EDAR: variants seen among roughly 807,000 people sequenced by gnomAD.
EDAR encodes the protein ectodysplasin A receptor.
EDAR carries 38 observed loss-of-function variants against 51.3 expected under a neutral mutation model. The ratio of observed to expected loss-of-function variants is 0.74; its 90% CI spans 0.57 to 0.97. The LOEUF (loss-of-function observed/expected upper bound fraction) is 0.97, where lower values mean the gene tolerates loss of function less well. Among genes scored for constraint, EDAR ranks in the 50% least tolerant of loss-of-function variants. EDAR has a pLI of 0.00. For synonymous variants in EDAR, 227 were observed against 242.1 expected (o/e 0.94, Z 0.58); for missense variants, 528 against 595.0 (o/e 0.89, Z 1.17).
intron 1 of EDAR, among the ~76,000 whole-genome samples, chr2:108,952,426 AT>A (rs1697843526): frequency 6.6e-6 from 1 of 152,226 alleles, no homozygotes; most frequent in African/African-American, 2.4e-5. Context: ...AAAATACTCT[AT>A]TATGCAGATT....
intron 1 of EDAR, among the ~76,000 whole-genome samples, chr2:108,974,506 T>C (rs535111163): frequency 3.3e-5 from 5 of 150,036 alleles, no homozygotes; most frequent in Admixed American, 6.6e-5. Context: ...CCAAGGGGGG[T>C]GGATCACCAG....
chr2:108,978,261 T>C (rs1698362223), intron 1 of EDAR, among the ~76,000 whole-genome samples: 1 of 152,150 alleles, frequency 6.6e-6, no homozygotes, highest in African/African-American at 2.4e-5. Flanking sequence ...AGGCAGGGCG[T>C]GGAAGTGTTT....
At chr2:108,954,872 C>T (rs1036416219) in intron 1 of EDAR, among the ~76,000 whole-genome samples, 6 of 151,930 alleles carry the variant, frequency 3.9e-5, no homozygotes, top group African/African-American at 9.7e-5. Flanking sequence ...TTAATTGAGA[C>T]GGGATTTCAC....
At chr2:108,915,529 G>A (rs1416782293) in intron 5 of EDAR, among the ~76,000 whole-genome samples, 4 of 152,046 alleles carry the variant, frequency 2.6e-5, no homozygotes, top group African/African-American at 4.8e-5. Flanking sequence ...TTTTTTCCTC[G>A]TGGGCCTCAA....
chr2:108,895,568 A>T lies in EDAR; in HGVS notation c.*1339T>A, dbSNP rs1478444653. ...AGTTTTTCTGTTTTTATTCCCATTT[A>T]AATGGACAAACCACACTGTGTTGAC... On this transcript the variant is annotated 3_prime_UTR_variant, in exon 12 of 12. Coordinates refer to ENST00000258443, the MANE Select transcript of EDAR (RefSeq NM_022336.4). 6.6e-6 allele frequency: 1 copy of T among 152,260 alleles called. No homozygotes were observed. Among genetic ancestry groups the T allele is most frequent in the Non-Finnish European group, 1.5e-5 (1 of 68,046 alleles). 9.4% of individuals were successfully genotyped at this position (152,260 alleles called of 1,614,324 possible).
intron 1 of EDAR, among the ~76,000 whole-genome samples, chr2:108,943,491 T>A (rs1697648451): frequency 1.3e-5 from 2 of 152,220 alleles, no homozygotes; most frequent in Admixed American, 1.3e-4. Flanking sequence ...GAGCTGATGT[T>A]ACTACCGAAG....
At chr2:108,967,860 GC>G (rs1451777314) in intron 1 of EDAR, among the ~76,000 whole-genome samples, 26 of 152,120 alleles carry the variant, frequency 1.7e-4, no homozygotes, top group Admixed American at 1.7e-3. Context: ...GTTATTGAGA[GC>G]AGTGACTTCA....
intron 1 of EDAR, among the ~76,000 whole-genome samples, chr2:108,949,224 C>G (rs1040936261): frequency 1.7e-4 from 26 of 152,244 alleles, no homozygotes; most frequent in Middle Eastern, 3.4e-3. Context: ...TCAAGTGTTC[C>G]ACCTGCCTTG....
intron 1 of EDAR, among the ~76,000 whole-genome samples, chr2:108,941,094 A>C (rs201640134): frequency 6.6e-6 from 1 of 152,176 alleles, no homozygotes; most frequent in East Asian, 1.9e-4. Context: ...CTTCATATAC[A>C]TGGAATCGGG....
At chr2:108,982,189 T>C (rs1355341826) in intron 1 of EDAR, among the ~76,000 whole-genome samples, 1 of 152,244 alleles carries the variant, frequency 6.6e-6, no homozygotes, top group Non-Finnish European at 1.5e-5. Flanking sequence ...TAGAGCCCGT[T>C]GTCTTACAGC....
Position 108,910,981 on chromosome 2 carries a change from CATG to C in EDAR, c.618_620del (p.Ile206del). 1 of 1,614,124 alleles carries C rather than the reference CATG, an allele frequency of 6.2e-7. No homozygotes were observed. Among genetic ancestry groups the C allele is most frequent in the Non-Finnish European group, 8.5e-7 (1 of 1,180,012 alleles). On this transcript the variant is annotated inframe_deletion, in exon 7 of 12. Transcript: ENST00000258443. ...AGGGCTTTGTCTTCAGGATGTAGAA[CATG>C]ATGATGAGGACGATGGCGATGGCCA...
At chr2:108,934,110 C>T (rs1697422915) in intron 1 of EDAR, among the ~76,000 whole-genome samples, 1 of 152,098 alleles carries the variant, frequency 6.6e-6, no homozygotes, top group Non-Finnish European at 1.5e-5. Context: ...TATCGAAAGG[C>T]GCAATTAAAA....
intron 1 of EDAR, among the ~76,000 whole-genome samples, chr2:108,942,298 C>T (rs544512864): frequency 1.3e-5 from 2 of 152,324 alleles, no homozygotes; most frequent in Admixed American, 6.5e-5. Flanking sequence ...AGCCGAGGCA[C>T]AATGCCGGAT....
At chr2:108,929,449 T>C in intron 3 of EDAR, 70 bp from the exon 4 acceptor site, 1 of 1,525,544 alleles carries the variant, frequency 6.6e-7, no homozygotes, top group Non-Finnish European at 9.1e-7. Context: ...CGGCCCACAG[T>C]CCTTGGGCAG....
intron 1 of EDAR, among the ~76,000 whole-genome samples, chr2:108,945,602 TGAAAG>T (rs894064365): frequency 6.6e-6 from 1 of 152,040 alleles, no homozygotes; most frequent in African/African-American, 2.4e-5. Flanking sequence ...GGACTGGAAA[TGAAAG>T]GAAAATAAAA....
intron 1 of EDAR, among the ~76,000 whole-genome samples, chr2:108,943,277 C>G (rs1005206140): frequency 3.3e-5 from 5 of 152,202 alleles, no homozygotes; most frequent in African/African-American, 4.8e-5. Context: ...CGGGTCTGCT[C>G]CGACTCCAAA....
At chr2:108,984,826 C>T (rs2104487321) in intron 1 of EDAR, among the ~76,000 whole-genome samples, 1 of 152,278 alleles carries the variant, frequency 6.6e-6, no homozygotes, top group South Asian at 2.1e-4. Context: ...CAGCATGGTG[C>T]CTGGCATGTA....
At chr2:108,899,132 G>T (rs1484839969) in intron 11 of EDAR, among the ~76,000 whole-genome samples, 2 of 152,152 alleles carry the variant, frequency 1.3e-5, no homozygotes, top group Non-Finnish European at 1.5e-5. Flanking sequence ...CATCATAAAT[G>T]AACTTCTGAA....
chr2:108,985,396 A>G (rs1463635733), intron 1 of EDAR, among the ~76,000 whole-genome samples: 1 of 152,210 alleles, frequency 6.6e-6, no homozygotes, highest in Non-Finnish European at 1.5e-5. Flanking sequence ...CCGTGAAGTG[A>G]GTTAAGCTGG....
Sources: gnomAD v4.1 joint callset for allele counts (sites outside exome capture counted in the v4.1 genomes callset) on GRCh38, gnomAD v4.1.1 for gene constraint, MANE v1.5 for transcripts, NCBI Gene and HGNC (gene_info 2026-07-23, HGNC 2026-07-21) for gene names.